RBFOX1: variants seen among roughly 807,000 people sequenced by gnomAD.
The protein encoded by RBFOX1 is RNA binding fox-1 homolog 1, also known as RNA binding protein fox-1 homolog 1.
RBFOX1 carries 8 observed loss-of-function variants against 57.7 expected under a neutral mutation model. That is an observed-to-expected ratio of 0.14 (90% CI 0.08 to 0.25). RBFOX1 has a LOEUF of 0.25. RBFOX1 is among the 10% of genes least tolerant of loss of function. RBFOX1 has a pLI of 1.00. For synonymous variants in RBFOX1, 326 were observed against 222.4 expected, an observed-to-expected ratio of 1.47 and a Z score of -4.15; for missense variants, 611 against 548.5, an observed-to-expected ratio of 1.11 and a Z score of -1.14.
chr16:5,808,009 C>T (rs1004633005), intron 3 of RBFOX1, among the ~76,000 whole-genome samples: 1 of 152,208 alleles, frequency 6.6e-6, no homozygotes, highest in Non-Finnish European at 1.5e-5. Flanking sequence ...GAACACCTAT[C>T]AGGCTTACTC....
chr16:5,258,690 G>A (rs1214990120), intron 1 of RBFOX1, among the ~76,000 whole-genome samples: 4 of 152,172 alleles, frequency 2.6e-5, no homozygotes, highest in African/African-American at 9.7e-5. Context: ...GGCCAAGGTA[G>A]GCGGATCACG....
intron 3 of RBFOX1, among the ~76,000 whole-genome samples, chr16:7,034,373 G>A (rs2043665633): frequency 6.6e-6 from 1 of 152,134 alleles, no homozygotes; most frequent in Non-Finnish European, 1.5e-5. Flanking sequence ...TGGAGGAGAG[G>A]GGGCTGAGGT....
In RBFOX1 at chr16:6,761,202, A is replaced by G. The variant is rs144646361; in HGVS notation, c.-16+106552A>G. On this transcript the variant is annotated intron_variant, in intron 3 of 15. Transcript: ENST00000550418. ...CTTTATTTTAGAACTAAAGGAGGCA[A>G]ATGAGCAATAAATTTGAAGCCCAGG... 4.6e-5 allele frequency among the ~76,000 whole-genome samples: 7 copies of G among 152,274 alleles called. No homozygotes were observed. In the East Asian group the frequency reaches 1.4e-3, roughly 29 times the overall value.
At chr16:6,301,618 G>T (rs1300120406) in intron 1 of RBFOX1, among the ~76,000 whole-genome samples, 1 of 151,890 alleles carries the variant, frequency 6.6e-6, no homozygotes, top group African/African-American at 2.4e-5. Flanking sequence ...GAGGTGTGTG[G>T]GAAATCTCTA....
chr16:7,306,428 A>C (rs1475208279), intron 4 of RBFOX1, among the ~76,000 whole-genome samples: 1 of 152,224 alleles, frequency 6.6e-6, no homozygotes, highest in African/African-American at 2.4e-5. Flanking sequence ...AGAAGTGACT[A>C]AATCAGCATC....
intron 4 of RBFOX1, among the ~76,000 whole-genome samples, chr16:7,298,846 G>A (rs1259400202): frequency 6.6e-6 from 1 of 152,170 alleles, no homozygotes; most frequent in Non-Finnish European, 1.5e-5. Flanking sequence ...GGCTGAGGAG[G>A]AGGAGGAGGA....
At chr16:6,410,303 C>CTTTTTTTTT (rs34012786) in intron 2 of RBFOX1, among the ~76,000 whole-genome samples, 3 of 86,720 alleles carry the variant, frequency 3.5e-5, no homozygotes, top group East Asian at 5.7e-4. Context: ...ACCTAGGGTT[C>CTTTTTTTTT]TTTTTTTTTT....
chr16:5,760,711 G>T (rs2053564349), intron 3 of RBFOX1, among the ~76,000 whole-genome samples: 2 of 152,094 alleles, frequency 1.3e-5, no homozygotes, highest in Non-Finnish European at 2.9e-5. Context: ...AAAAGTAATT[G>T]TGGGGTTTTG....
At chr16:5,531,194 A>G (rs559239204) in intron 2 of RBFOX1, among the ~76,000 whole-genome samples, 8 of 152,192 alleles carry the variant, frequency 5.3e-5, no homozygotes, top group African/African-American at 1.9e-4. Context: ...ACTTTAGGGG[A>G]TGCTCAGAGG....
At chr16:7,413,262 A>G (rs887307278) in intron 4 of RBFOX1, among the ~76,000 whole-genome samples, 3 of 151,888 alleles carry the variant, frequency 2.0e-5, no homozygotes, top group African/African-American at 7.3e-5. Context: ...GTGCCTCAAC[A>G]CTGATTCTCG....
intron 3 of RBFOX1, among the ~76,000 whole-genome samples, chr16:5,702,048 G>A (rs1040144981): frequency 1.5e-4 from 23 of 152,166 alleles, no homozygotes; most frequent in Admixed American, 1.4e-3. Flanking sequence ...GAGAAATCTA[G>A]CCATAAGTAG....
intron 4 of RBFOX1, among the ~76,000 whole-genome samples, chr16:7,375,083 A>C (rs56277709): frequency 1.4e-4 from 22 of 152,172 alleles, no homozygotes; most frequent in Non-Finnish European, 2.9e-4. Flanking sequence ...AACATTTTTT[A>C]TTTCTGCTAT....
chr16:5,727,447 T>C (rs779471306), intron 3 of RBFOX1, among the ~76,000 whole-genome samples: 4 of 152,220 alleles, frequency 2.6e-5, no homozygotes, highest in Non-Finnish European at 5.9e-5. Context: ...CTCACCACAA[T>C]TGAAGTAACA....
At chr16:6,075,612 GAC>G (rs1398167845) in intron 1 of RBFOX1, among the ~76,000 whole-genome samples, 1 of 152,070 alleles carries the variant, frequency 6.6e-6, no homozygotes, top group Non-Finnish European at 1.5e-5. Flanking sequence ...CACACACAAA[GAC>G]ACACATTTAA....
At chr16:6,127,577 C>T (rs1199758936) in intron 1 of RBFOX1, among the ~76,000 whole-genome samples, 1 of 152,110 alleles carries the variant, frequency 6.6e-6, no homozygotes, top group Non-Finnish European at 1.5e-5. Flanking sequence ...TGGTAAGTCT[C>T]TAAAGAAGAT....
At chr16:5,873,432 G>A (rs2057528371) in intron 4 of RBFOX1, among the ~76,000 whole-genome samples, 1 of 152,174 alleles carries the variant, frequency 6.6e-6, no homozygotes, top group Non-Finnish European at 1.5e-5. Context: ...GTCATGCTTT[G>A]ATAGTCATCT....
chr16:7,388,407 C>G (rs919955345), intron 4 of RBFOX1, among the ~76,000 whole-genome samples: 2 of 152,130 alleles, frequency 1.3e-5, no homozygotes, highest in Non-Finnish European at 2.9e-5. Flanking sequence ...AATTTAAAAT[C>G]TGTAGAGTGA....
intron 4 of RBFOX1, among the ~76,000 whole-genome samples, chr16:7,192,336 G>A (rs1353965458): frequency 6.6e-6 from 1 of 152,206 alleles, no homozygotes; most frequent in African/African-American, 2.4e-5. Context: ...TTCCATCTAA[G>A]AGAGTTGGGG....
At chr16:7,063,705 G>GA (rs201822019) in intron 4 of RBFOX1, among the ~76,000 whole-genome samples, 4 of 151,930 alleles carry the variant, frequency 2.6e-5, no homozygotes, top group Admixed American at 1.3e-4. Flanking sequence ...TATTTAGGGG[G>GA]AAAAAAAACC....
Sources: gnomAD v4.1 joint callset for allele counts (sites outside exome capture counted in the v4.1 genomes callset) on GRCh38, gnomAD v4.1.1 for gene constraint, MANE v1.5 for transcripts, NCBI Gene and HGNC (gene_info 2026-07-23, HGNC 2026-07-21) for gene names.